The following ERC2 variants were observed in gnomAD, a reference collection of about 807,000 sequenced individuals.
The protein encoded by ERC2 is ERC protein 2.
Under a neutral mutation model 114.8 loss-of-function variants are expected in ERC2, and 42 were observed. The observed-to-expected ratio is 0.37, with a 90% CI of 0.29 to 0.47. The LOEUF (loss-of-function observed/expected upper bound fraction) is 0.47. Ranked by LOEUF, ERC2 falls within the 20% of genes least tolerant of loss-of-function variation. The pLI, the probability that ERC2 is intolerant of heterozygous loss-of-function variation, is 0.99. For synonymous variants in ERC2, 454 were observed against 425.5 expected, an observed-to-expected ratio of 1.07 and a Z score of -0.82; for missense variants, 939 against 1,150.7, an observed-to-expected ratio of 0.82 and a Z score of 2.66.
At chr3:56,286,354 C>A (rs1197943494) in intron 3 of ERC2, among the ~76,000 whole-genome samples, 2 of 129,064 alleles carry the variant, frequency 1.5e-5, no homozygotes, top group East Asian at 4.5e-4. Flanking sequence ...GCGGAGGTTG[C>A]AGTGAGCCAA....
At chr3:55,737,975 C>G (rs1456846973) in intron 14 of ERC2, among the ~76,000 whole-genome samples, 4 of 152,110 alleles carry the variant, frequency 2.6e-5, no homozygotes, top group Non-Finnish European at 5.9e-5. Flanking sequence ...CAGGGTTGCC[C>G]TCCTATAATA....
At chr3:55,810,329 C>T (rs1330968151) in intron 14 of ERC2, among the ~76,000 whole-genome samples, 1 of 152,086 alleles carries the variant, frequency 6.6e-6, no homozygotes, top group Admixed American at 6.6e-5. Flanking sequence ...ATCTTTTTCT[C>T]TCATGTCTTA....
chr3:56,073,956 T>A (rs956261667), intron 7 of ERC2, among the ~76,000 whole-genome samples: 1 of 152,204 alleles, frequency 6.6e-6, no homozygotes, highest in African/African-American at 2.4e-5. Flanking sequence ...CTTATCATAT[T>A]TTTAAATACA....
chr3:56,466,164 AATG>A (rs1334462149), intron 1 of ERC2, among the ~76,000 whole-genome samples: 1 of 152,254 alleles, frequency 6.6e-6, no homozygotes, highest in Non-Finnish European at 1.5e-5. Flanking sequence ...ATGCAATAAC[AATG>A]ATGATGATAG....
chr3:56,312,994 GTATATTCATATATATATATATA>G (rs1275780447), intron 2 of ERC2, among the ~76,000 whole-genome samples: 6 of 19,744 alleles, frequency 3.0e-4, no homozygotes, highest in Non-Finnish European at 7.5e-4. Context: ...TAGTGAATAT[GTATATTCATATATATATATATA>G]TATATATATA....
intron 3 of ERC2, among the ~76,000 whole-genome samples, chr3:56,199,877 C>T (rs997789270): frequency 3.3e-5 from 5 of 151,894 alleles, no homozygotes; most frequent in African/African-American, 1.2e-4. Context: ...AAACTGTGGA[C>T]TCAGGACACT....
intron 17 of ERC2, among the ~76,000 whole-genome samples, chr3:55,552,897 A>C (rs1261540064): frequency 6.6e-6 from 1 of 150,440 alleles, no homozygotes; most frequent in African/African-American, 2.4e-5. Context: ...CGACTGAATT[A>C]GTTCTTTTCT....
intron 3 of ERC2, among the ~76,000 whole-genome samples, chr3:56,254,335 CT>C (rs71621808): frequency 1.9e-4 from 29 of 149,552 alleles, no homozygotes; most frequent in East Asian, 3.9e-4. Context: ...CCTTAAACCC[CT>C]TTTTTTTTTC....
intron 14 of ERC2, among the ~76,000 whole-genome samples, chr3:55,815,438 C>T (rs534375568): frequency 2.0e-5 from 3 of 152,222 alleles, no homozygotes; most frequent in African/African-American, 7.2e-5. Context: ...GAAGTGAGAG[C>T]GATGTGAAGC....
At chr3:56,040,720 A>T (rs1195899196) in intron 7 of ERC2, among the ~76,000 whole-genome samples, 1 of 145,104 alleles carries the variant, frequency 6.9e-6, no homozygotes, top group African/African-American at 2.5e-5. Context: ...AGAGAGATAC[A>T]TATAGATATA....
intron 2 of ERC2, among the ~76,000 whole-genome samples, chr3:56,320,693 G>A (rs2057088822): frequency 6.6e-6 from 1 of 152,082 alleles, no homozygotes; most frequent in African/African-American, 2.4e-5. Context: ...AGGAAGGATT[G>A]ATATGAAGGA....
intron 4 of ERC2, among the ~76,000 whole-genome samples, chr3:56,166,870 T>C (rs2082348807): frequency 6.6e-6 from 1 of 152,078 alleles, no homozygotes; most frequent in South Asian, 2.1e-4. Flanking sequence ...CTCTAGTATA[T>C]GTTTACCCTC....
chr3:56,321,490 C>A (rs936969470), intron 2 of ERC2, among the ~76,000 whole-genome samples: 4 of 152,168 alleles, frequency 2.6e-5, no homozygotes, highest in Non-Finnish European at 5.9e-5. Context: ...GAATCTGGCA[C>A]CTCTAAACCA....
At chr3:56,319,564 A>G (rs2057029877) in intron 2 of ERC2, among the ~76,000 whole-genome samples, 1 of 152,180 alleles carries the variant, frequency 6.6e-6, no homozygotes, top group African/African-American at 2.4e-5. Flanking sequence ...ACAACTTTAC[A>G]CCTATAGCTA....
chr3:55,529,075 G>A (rs1482269334), intron 17 of ERC2, among the ~76,000 whole-genome samples: 1 of 152,184 alleles, frequency 6.6e-6, no homozygotes, highest in African/African-American at 2.4e-5. Flanking sequence ...TTTTGTTTCT[G>A]CATGTTGAGT....
chr3:55,788,603 T>G lies in ERC2; in HGVS notation c.2565-53685A>C, dbSNP rs75652389. ...CAGCAATGGCCTAGGAGAGGGTCCC[T>G]TTGGGTACTGCAACAATTCTGCAGC... is the stretch of plus-strand genomic sequence containing the variant. On this transcript the variant is annotated intron_variant, in intron 14 of 17. Transcript: ENST00000288221. Among the ~76,000 whole-genome samples the G allele has an allele frequency of 6.7e-3, 1,025 of 152,218 alleles. 9 individuals are homozygous for G. The highest frequency in any genetic ancestry group is 0.023 in the African/African-American group (966 of 41,526).
chr3:56,344,782 G>A (rs1253042006), intron 2 of ERC2, among the ~76,000 whole-genome samples: 2 of 152,170 alleles, frequency 1.3e-5, no homozygotes, highest in East Asian at 3.9e-4. Context: ...CCTACTATAT[G>A]CCACAGATCA....
intron 3 of ERC2, among the ~76,000 whole-genome samples, chr3:56,249,041 T>C (rs1442815095): frequency 1.3e-5 from 2 of 152,216 alleles, no homozygotes; most frequent in Non-Finnish European, 2.9e-5. Context: ...CTCAGTGTTT[T>C]GAGAAACATG....
At chr3:55,854,304 C>A (rs1330274587) in intron 14 of ERC2, among the ~76,000 whole-genome samples, 1 of 152,108 alleles carries the variant, frequency 6.6e-6, no homozygotes, top group South Asian at 2.1e-4. Context: ...CACAAAGCAC[C>A]TAGATAAGAT....
Sources: allele counts gnomAD v4.1 joint callset (sites outside exome capture counted in the v4.1 genomes callset), GRCh38; gene constraint gnomAD v4.1.1; transcripts MANE v1.5; gene names NCBI Gene and HGNC (gene_info 2026-07-23, HGNC 2026-07-21).